The following GRB14 variants were observed in gnomAD, a reference collection of about 807,000 sequenced individuals.
GRB14 encodes growth factor receptor bound protein 14.
Under a neutral mutation model 69.1 loss-of-function variants are expected in GRB14, and 38 were observed. The observed-to-expected ratio is 0.55, with a 90% CI of 0.42 to 0.72. The LOEUF is 0.72. Among genes scored for constraint, GRB14 ranks in the 30% least tolerant of loss-of-function variants. The probability of loss-of-function intolerance (pLI) is 0.00; values close to 1 mark genes in which losing one functional copy is unlikely to be tolerated. For missense variants in GRB14, 666 were observed against 666.1 expected, an observed-to-expected ratio of 1.00 and a Z score of 0.00; for synonymous variants, 247 against 241.3, an observed-to-expected ratio of 1.02 and a Z score of -0.22.
intron 2 of GRB14, among the ~76,000 whole-genome samples, chr2:164,586,097 A>G (rs1689532392): frequency 6.6e-6 from 1 of 152,214 alleles, no homozygotes; most frequent in South Asian, 2.1e-4. Flanking sequence ...AGAGATTGGC[A>G]AAGGTTTTTT....
At chr2:164,570,890 G>C (rs1026889813) in intron 2 of GRB14, among the ~76,000 whole-genome samples, 1 of 152,198 alleles carries the variant, frequency 6.6e-6, no homozygotes, top group African/African-American at 2.4e-5. Flanking sequence ...GTTTACGTGT[G>C]TGTGATAGGT....
chr2:164,527,856 G>A (rs759681033), intron 3 of GRB14, among the ~76,000 whole-genome samples: 23 of 151,964 alleles, frequency 1.5e-4, no homozygotes, highest in Non-Finnish European at 2.7e-4. Context: ...TATAACATGC[G>A]AAATTCCTAT....
rs555153386 is a variant in GRB14 at position 164,600,346 on chromosome 2, G to A, written c.324+19341C>T. 5.9e-5 allele frequency among the ~76,000 whole-genome samples: 9 copies of A among 152,308 alleles called. No homozygotes were observed. In the South Asian group the frequency reaches 1.0e-3, roughly 18 times the overall value. On this transcript the variant is annotated intron_variant, in intron 2 of 13. Coordinates refer to ENST00000263915, the MANE Select transcript of GRB14 (RefSeq NM_004490.3). The stretch of plus-strand genomic sequence containing the variant: ...TACCTTTGAGATGAAGCAAACAGAT[G>A]TAGACAATGGTTATCCTTTAAAAAA...
chr2:164,511,065 C>A (rs1009757586), intron 6 of GRB14, among the ~76,000 whole-genome samples: 2 of 152,120 alleles, frequency 1.3e-5, no homozygotes, highest in African/African-American at 4.8e-5. Flanking sequence ...GGATTTAGAC[C>A]AGCCCTAACC....
chr2:164,621,186 C>T lies in GRB14; in HGVS notation c.124G>A (p.Ala42Thr). ...AGCGCTCGCGCGTGCAGCCAGGGGG[C>T]CGGCGCCAGGTCGTGGGCGTCGCCC... Reference protein sequence around the residue: ...GRGDAHDLAPAPWLHARALLP... With the variant: ...GRGDAHDLAPTPWLHARALLP... The change falls in exon 1 of 14, where the codon GCC (alanine) becomes ACC (threonine). Residue 42 changes from alanine to threonine, a missense_variant. By Grantham distance (58) the Ala-to-Thr change is moderately conservative. Coordinates refer to ENST00000263915, the MANE Select transcript of GRB14 (RefSeq NM_004490.3). This position sits in a 1 kb window ranked among gnomAD's most constrained non-coding sequence, Gnocchi z 6.0. 8.0e-7 allele frequency: 1 copy of T among 1,243,232 alleles called. No homozygotes were observed. Among genetic ancestry groups the T allele is most frequent in the African/African-American group, 1.5e-5 (1 of 64,584 alleles). 77.0% of individuals were successfully genotyped at this position (1,243,232 alleles called of 1,614,324 possible).
chr2:164,554,618 C>T (rs76351813), intron 2 of GRB14, among the ~76,000 whole-genome samples: 7,344 of 152,166 alleles, frequency 0.048, 583 homozygotes, highest in African/African-American at 0.16. Flanking sequence ...ATCACAACAA[C>T]CTTGGCCTTT....
intron 2 of GRB14, among the ~76,000 whole-genome samples, chr2:164,616,741 C>A (rs1326809992): frequency 1.3e-5 from 2 of 152,088 alleles, no homozygotes; most frequent in Admixed American, 6.5e-5. Flanking sequence ...ATAACAAGTA[C>A]AATTATTTTC....
At chr2:164,514,935 G>A (rs1030084282) in intron 6 of GRB14, among the ~76,000 whole-genome samples, 2 of 152,110 alleles carry the variant, frequency 1.3e-5, no homozygotes, top group African/African-American at 2.4e-5. Context: ...TGTAACTGCC[G>A]ATTTTCCACC....
At chr2:164,598,300 A>G (rs1330831390) in intron 2 of GRB14, among the ~76,000 whole-genome samples, 1 of 152,214 alleles carries the variant, frequency 6.6e-6, no homozygotes, top group Non-Finnish European at 1.5e-5. Flanking sequence ...TAGGTATGTT[A>G]GGTATTAAAT....
chr2:164,524,615 G>A (rs1347669161), intron 5 of GRB14, among the ~76,000 whole-genome samples: 1 of 151,970 alleles, frequency 6.6e-6, no homozygotes, highest in Non-Finnish European at 1.5e-5. Context: ...AAATAGGATT[G>A]AGGGTGTTTA....
At chr2:164,538,288 C>T (rs1188043321) in intron 3 of GRB14, among the ~76,000 whole-genome samples, 1 of 152,136 alleles carries the variant, frequency 6.6e-6, no homozygotes, top group Non-Finnish European at 1.5e-5. Flanking sequence ...TGTTAATTGC[C>T]ACTGCTTCAT....
Position 164,618,798 on chromosome 2 carries a change from C to A in GRB14, c.324+889G>T, listed in dbSNP as rs140588421. Among the ~76,000 whole-genome samples, 330 of 152,220 alleles carry A rather than the reference C, an allele frequency of 2.2e-3. 2 individuals are homozygous for A. Among genetic ancestry groups the A allele is most frequent in the African/African-American group, 7.4e-3 (308 of 41,528 alleles). On this transcript the variant is annotated intron_variant, in intron 2 of 13. Transcript: ENST00000263915. ...GAAATAAGAAAGAGAGCAATAGACG[C>A]GGAAAAATGGCCAACTGTCTTGTCC...
At chr2:164,567,161 A>ATATTTT (rs1306933710) in intron 2 of GRB14, among the ~76,000 whole-genome samples, 1 of 152,122 alleles carries the variant, frequency 6.6e-6, no homozygotes, top group Non-Finnish European at 1.5e-5. Context: ...CCAAAGCAAA[A>ATATTTT]TATTTTTAAT....
chr2:164,541,493 T>A (rs1241008884), intron 3 of GRB14, among the ~76,000 whole-genome samples: 1 of 150,682 alleles, frequency 6.6e-6, no homozygotes, highest in African/African-American at 2.4e-5. Flanking sequence ...TAATAATAAA[T>A]AATAATAATA....
intron 6 of GRB14, 107 bp downstream of exon 6, chr2:164,521,873 C>A (rs1022896554): frequency 7.7e-6 from 8 of 1,032,332 alleles, no homozygotes; most frequent in South Asian, 4.4e-5. Context: ...AAATCAAAGA[C>A]CAACCTTTGA....
intron 2 of GRB14, among the ~76,000 whole-genome samples, chr2:164,552,566 G>A (rs1221292784): frequency 6.6e-6 from 1 of 152,072 alleles, no homozygotes; most frequent in Non-Finnish European, 1.5e-5. Context: ...GACTCAATAT[G>A]GCAGTTCTGA....
intron 2 of GRB14, among the ~76,000 whole-genome samples, chr2:164,599,583 CAA>C (rs1328866952): frequency 6.6e-6 from 1 of 152,120 alleles, no homozygotes; most frequent in African/African-American, 2.4e-5. Context: ...TAACCAAGCT[CAA>C]GTTTATTTAT....
At chr2:164,503,438 T>C (rs1208502579) in intron 8 of GRB14, among the ~76,000 whole-genome samples, 3 of 102,994 alleles carry the variant, frequency 2.9e-5, no homozygotes, top group African/African-American at 4.7e-5. Context: ...ATTTGGTAAT[T>C]AGGCAAAAAA....
At chr2:164,611,579 G>A (rs537830272) in intron 2 of GRB14, among the ~76,000 whole-genome samples, 8 of 150,554 alleles carry the variant, frequency 5.3e-5, no homozygotes, top group Admixed American at 2.0e-4. Flanking sequence ...GACCTATGCC[G>A]GCCTCAAGTG....
Sources: gnomAD v4.1 joint callset for allele counts (sites outside exome capture counted in the v4.1 genomes callset) on GRCh38, gnomAD v4.1.1 for gene constraint, Gnocchi (gnomAD v3.1) non-coding constraint, MANE v1.5 for transcripts, NCBI Gene and HGNC (gene_info 2026-07-23, HGNC 2026-07-21) for gene names.